KIAA0930: variants seen among roughly 807,000 people sequenced by gnomAD.
The protein encoded by KIAA0930 is KIAA0930.
A neutral mutation model predicts 43.9 loss-of-function variants in KIAA0930; 24 were observed. That is an observed-to-expected ratio of 0.55 (90% CI 0.40 to 0.77). KIAA0930 has a LOEUF of 0.77. Ranked by LOEUF, KIAA0930 falls within the 30% of genes least tolerant of loss-of-function variation. The pLI is 0.00. For missense variants in KIAA0930, 461 were observed against 574.2 expected, an observed-to-expected ratio of 0.80 and a Z score of 2.02; for synonymous variants, 259 against 216.4, an observed-to-expected ratio of 1.20 and a Z score of -1.73.
intron 1 of KIAA0930, among the ~76,000 whole-genome samples, chr22:45,223,575 A>G (rs1193121533): frequency 1.3e-5 from 2 of 152,134 alleles, no homozygotes; most frequent in East Asian, 1.9e-4. Context: ...ACCTAGGATC[A>G]GCACCAGATA....
At chr22:45,204,076 G>T in intron 5 of KIAA0930, 91 bp from the exon 6 acceptor site, 1 of 1,553,790 alleles carries the variant, frequency 6.4e-7, no homozygotes, top group Non-Finnish European at 8.8e-7. Flanking sequence ...GGGCTGCTCA[G>T]AAAACCCCAT....
At chr22:45,228,258 C>CGG (rs2083815164) in intron 1 of KIAA0930, among the ~76,000 whole-genome samples, 1 of 152,198 alleles carries the variant, frequency 6.6e-6, no homozygotes, top group Non-Finnish European at 1.5e-5. Flanking sequence ...GCAGCTGGTC[C>CGG]TGCCTACCCA....
chr22:45,225,734 G>A (rs191923730), intron 1 of KIAA0930, among the ~76,000 whole-genome samples: 5 of 152,154 alleles, frequency 3.3e-5, no homozygotes, highest in Admixed American at 2.0e-4. Flanking sequence ...CCCCAGCACC[G>A]GCCTTCCCTG....
intron 1 of KIAA0930, 124 bp downstream of exon 1, chr22:45,240,516 C>T (rs1569088381): frequency 8.1e-6 from 5 of 615,070 alleles, no homozygotes; most frequent in Non-Finnish European, 8.3e-6. Flanking sequence ...CCAGGCAGAC[C>T]CAGAGACCAC....
intron 1 of KIAA0930, among the ~76,000 whole-genome samples, chr22:45,217,447 C>G (rs1007399216): frequency 6.8e-6 from 1 of 147,884 alleles, no homozygotes; most frequent in Non-Finnish European, 1.5e-5. Flanking sequence ...CAACAACAAT[C>G]AATGTTGAAC....
intron 1 of KIAA0930, among the ~76,000 whole-genome samples, chr22:45,219,579 ATTG>A (rs1380097541): frequency 1.9e-4 from 20 of 107,452 alleles, no homozygotes; most frequent in Non-Finnish European, 2.5e-4. Flanking sequence ...CCAAGAGGTG[ATTG>A]TTTTTTTTTT....
chr22:45,227,383 G>A (rs1047867215), intron 1 of KIAA0930, among the ~76,000 whole-genome samples: 14 of 152,124 alleles, frequency 9.2e-5, no homozygotes, highest in Non-Finnish European at 2.1e-4. Flanking sequence ...TGAAAACCAG[G>A]GGGCTGGGCT....
intron 5 of KIAA0930, among the ~76,000 whole-genome samples, chr22:45,204,880 A>G (rs995315864): frequency 6.6e-6 from 1 of 152,196 alleles, no homozygotes; most frequent in East Asian, 1.9e-4. Flanking sequence ...ATTTACTAGC[A>G]TTAATAATGG....
In KIAA0930 at chr22:45,199,554, C is replaced by T. The variant is rs137995070; in HGVS notation, c.1015+319G>A. Among the ~76,000 whole-genome samples the T allele has an allele frequency of 1.8e-3, 281 of 152,354 alleles. 1 individual carries two copies. The highest frequency in any genetic ancestry group is 5.9e-3 in the African/African-American group (247 of 41,598). On this transcript the variant is annotated intron_variant, in intron 8 of 9. Transcript: ENST00000336156. Reference sequence around the variant, plus strand: ...GCGGAGCCATCAGATCACCCATCCGCTTTCTTCCTTAAGCAGGCTGAAAAG... The same window carrying T: ...GCGGAGCCATCAGATCACCCATCCGTTTTCTTCCTTAAGCAGGCTGAAAAG...
chr22:45,215,036 G>A (rs1194636604), intron 1 of KIAA0930, among the ~76,000 whole-genome samples: 2 of 152,136 alleles, frequency 1.3e-5, no homozygotes, highest in Non-Finnish European at 2.9e-5. Context: ...TGAGCAACAT[G>A]GTGAAACCCC....
In KIAA0930 at chr22:45,193,406, T is replaced by C. The variant is rs1034292385; in HGVS notation, c.*3770A>G. On this transcript the variant is annotated 3_prime_UTR_variant, in exon 10 of 10. Coordinates refer to ENST00000336156, the MANE Select transcript of KIAA0930 (RefSeq NM_001009880.2). Reference sequence around the variant, plus strand: ...GAATATACTGGCTGCACAGGGCCTTTCCTCTGGGACATCTTTTAATGAAAA... The same window carrying C: ...GAATATACTGGCTGCACAGGGCCTTCCCTCTGGGACATCTTTTAATGAAAA... 9 of 152,220 alleles carry C rather than the reference T, an allele frequency of 5.9e-5. No individual in the cohort carries two copies. The highest frequency in any genetic ancestry group is 2.2e-4 in the African/African-American group (9 of 41,450). The allele number at this position is 152,220 out of a possible 1,614,324, so 9.4% of individuals were successfully genotyped here.
At chr22:45,220,579 T>G (rs1270978315) in intron 1 of KIAA0930, among the ~76,000 whole-genome samples, 1 of 152,090 alleles carries the variant, frequency 6.6e-6, no homozygotes, top group African/African-American at 2.4e-5. Context: ...CATTCTTGAT[T>G]TTTATTTATT....
chr22:45,220,931 G>A (rs1345911544), intron 1 of KIAA0930, among the ~76,000 whole-genome samples: 1 of 136,670 alleles, frequency 7.3e-6, no homozygotes, highest in Non-Finnish European at 1.5e-5. Flanking sequence ...CTTGTGCTAA[G>A]CGTCCCCATC....
intron 1 of KIAA0930, among the ~76,000 whole-genome samples, chr22:45,237,923 C>T (rs1851410332): frequency 7.3e-6 from 1 of 136,536 alleles, no homozygotes; most frequent in Non-Finnish European, 1.5e-5. Context: ...AAAAATGAGC[C>T]CTTTTTTTTT....
chr22:45,201,725 C>T (rs2083590590), intron 7 of KIAA0930, among the ~76,000 whole-genome samples: 1 of 152,188 alleles, frequency 6.6e-6, no homozygotes, highest in African/African-American at 2.4e-5. Flanking sequence ...TTGCAAAACA[C>T]ATTCATTGCA....
intron 1 of KIAA0930, among the ~76,000 whole-genome samples, chr22:45,230,702 C>T (rs918421338): frequency 7.2e-5 from 11 of 151,938 alleles, no homozygotes; most frequent in African/African-American, 2.7e-4. Context: ...CTGCCTCAGC[C>T]TCTTGAGTAG....
In KIAA0930 at chr22:45,193,744, G is replaced by A. The variant is rs906986401; in HGVS notation, c.*3432C>T. The A allele has an allele frequency of 1.3e-5, 2 of 152,110 alleles. No individual in the cohort carries two copies. Among genetic ancestry groups the A allele is most frequent in the African/African-American group, 4.8e-5 (2 of 41,392 alleles). 9.4% of individuals were successfully genotyped at this position (152,110 alleles called of 1,614,324 possible). On this transcript the variant is annotated 3_prime_UTR_variant, in exon 10 of 10. Transcript: ENST00000336156. Reference sequence around the variant, plus strand: ...CTCATGTTTTAAATAATCTTCTTTTGAAATAATAAGCCTTAGCTGGCTTTG... The same window carrying A: ...CTCATGTTTTAAATAATCTTCTTTTAAAATAATAAGCCTTAGCTGGCTTTG...
Position 45,211,942 on chromosome 22 carries a change from C to CG in KIAA0930, c.216+13dup. 9 of 1,607,424 alleles carry CG rather than the reference C, an allele frequency of 5.6e-6. No individual in the cohort carries two copies. The highest frequency in any genetic ancestry group is 7.6e-6 in the Non-Finnish European group (9 of 1,179,502). ...GGGGCACAGACGCAGGGGCAGGGGCCGGGGGTCACTCACCTTCCTCCCGTC... is the reference window on the plus strand; with the variant it reads ...GGGGCACAGACGCAGGGGCAGGGGCCGGGGGGTCACTCACCTTCCTCCCGTC... On this transcript the variant is annotated intron_variant, in intron 2 of 9. Coordinates refer to ENST00000336156, the MANE Select transcript of KIAA0930 (RefSeq NM_001009880.2).
At chr22:45,205,088 C>A in intron 5 of KIAA0930, 129 bp downstream of exon 5, 1 of 713,482 alleles carries the variant, frequency 1.4e-6, no homozygotes, top group Non-Finnish European at 2.5e-6. Context: ...CCACATCTGC[C>A]TCAGCCGGAC....
Sources: allele counts gnomAD v4.1 joint callset (sites outside exome capture counted in the v4.1 genomes callset), GRCh38; gene constraint gnomAD v4.1.1; transcripts MANE v1.5; gene names NCBI Gene and HGNC (gene_info 2026-07-23, HGNC 2026-07-21).